DIO2: variants seen among roughly 807,000 people sequenced by gnomAD.
The protein encoded by DIO2 is iodothyronine deiodinase 2.
Under a neutral mutation model 21.4 loss-of-function variants are expected in DIO2, and 19 were observed. That is an observed-to-expected ratio of 0.89 (90% CI 0.62 to 1.30). The LOEUF (loss-of-function observed/expected upper bound fraction) is 1.30, where lower values mean the gene tolerates loss of function less well. Ranked by LOEUF, DIO2 falls within the 50% of genes most tolerant of loss-of-function variation. The probability of loss-of-function intolerance (pLI) is 0.00; values close to 1 mark genes in which losing one functional copy is unlikely to be tolerated. For missense variants in DIO2, 302 were observed against 338.1 expected (o/e 0.89, Z 0.84); for synonymous variants, 122 against 132.9 (o/e 0.92, Z 0.57).
rs116239203 is a variant in DIO2 at position 80,208,650 on chromosome 14, A to G, written c.222+2601T>C. ...CAGGGTTATGAAATAGTGTGATGCCATCTCAAACAGAACCTCTTACAACGT... is the reference window on the plus strand; with the variant it reads ...CAGGGTTATGAAATAGTGTGATGCCGTCTCAAACAGAACCTCTTACAACGT... On this transcript the variant is annotated intron_variant, in intron 1 of 1. Transcript: ENST00000438257. Among the ~76,000 whole-genome samples the G allele has an allele frequency of 4.6e-3, 697 of 152,336 alleles. 10 individuals carry two copies. The highest frequency in any genetic ancestry group is 0.015 in the African/African-American group (618 of 41,570).
intron 2 of DIO2, among the ~76,000 whole-genome samples, chr14:80,218,002 C>T (rs1274280843): frequency 6.6e-6 from 1 of 152,174 alleles, no homozygotes; most frequent in East Asian, 1.9e-4. Flanking sequence ...TTTTATTTTT[C>T]TACCTGCAAA....
chr14:80,199,075 C>T lies in DIO2; in HGVS notation c.*3614G>A, dbSNP rs1315499229. 5 of 152,222 alleles carry T rather than the reference C, an allele frequency of 3.3e-5. No homozygotes were observed. Among genetic ancestry groups the T allele is most frequent in the East Asian group, 3.8e-4 (2 of 5,198 alleles). The allele number at this position is 152,222 out of a possible 1,614,324, so 9.4% of individuals were successfully genotyped here. ...GTAAATCAGTCAATTCTTCTTGCTT[C>T]GCACATAGGCCATAGGGCATGCTGA... On this transcript the variant is annotated 3_prime_UTR_variant, in exon 2 of 2. Coordinates refer to ENST00000438257, the MANE Select transcript of DIO2 (RefSeq NM_013989.5).
At chr14:80,211,022 T>A (rs1888162332) in intron 1 of DIO2, among the ~76,000 whole-genome samples, 1 of 152,190 alleles carries the variant, frequency 6.6e-6, no homozygotes, top group Non-Finnish European at 1.5e-5. Context: ...TAACCCTTAG[T>A]AGAAAGATTC....
rs577743008 is a variant in DIO2 at position 80,230,410 on chromosome 14, G to A, written c.-277-13673C>T. ...TCAGCTCTTTCTCTATAGGAGATGA[G>A]ACTCACTGAGGGCAATCTTAGCAGA... On this transcript the variant is annotated intron_variant, in intron 2 of 4. Transcript: ENST00000553594. 1.8e-4 allele frequency among the ~76,000 whole-genome samples: 27 copies of A among 152,224 alleles called. No homozygotes were observed. The South Asian group carries it at 4.6e-3, about 26-fold the overall frequency.
chr14:80,206,186 AATTAAT>A lies in DIO2; in HGVS notation c.223-2904_223-2899del, dbSNP rs770068262. On this transcript the variant is annotated intron_variant, in intron 1 of 1. Transcript: ENST00000438257. ...TAGGCAAGAGAAAATGCATAGATAAAATTAATATTATTAATAAAACTAAGAAGGAAA... is the reference window on the plus strand; with the variant it reads ...TAGGCAAGAGAAAATGCATAGATAAAATTATTAATAAAACTAAGAAGGAAA... 7 of 1,217,962 alleles carry A rather than the reference AATTAAT, an allele frequency of 5.7e-6. No individual in the cohort carries two copies. In the African/African-American group the frequency reaches 1.1e-4, roughly 19 times the overall value. The allele number at this position is 1,217,962 out of a possible 1,614,324, so 75.4% of individuals were successfully genotyped here. A position where few individuals can be genotyped will look rare whatever the true frequency, so the allele number is the denominator to read the frequency against.
chr14:80,220,065 TTTTG>T (rs1888436127), intron 2 of DIO2, among the ~76,000 whole-genome samples: 1 of 150,024 alleles, frequency 6.7e-6, no homozygotes, highest in Admixed American at 6.6e-5. Context: ...TGTGTGTGTG[TTTTG>T]TTGTTGTTTT....
intron 2 of DIO2, among the ~76,000 whole-genome samples, chr14:80,226,639 G>C (rs1309264268): frequency 1.3e-5 from 2 of 152,194 alleles, no homozygotes; most frequent in Non-Finnish European, 2.9e-5. Context: ...CTCAGCAATG[G>C]CTATAGCCAG....
chr14:80,203,296 T>TAAAAAAAAA lies in DIO2; in HGVS notation c.223-17_223-9dup. The TAAAAAAAAA allele has an allele frequency of 7.2e-7, 1 of 1,393,810 alleles. No homozygotes were observed. The allele number at this position is 1,393,810 out of a possible 1,614,324, so 86.3% of individuals were successfully genotyped here. The stretch of plus-strand genomic sequence containing the variant: ...ATCCTCACCCAATTTCACCTGACGG[T>TAAAAAAAAA]AAAAAAAAAAAAAAAGAAGAAGAAG... On this transcript the variant is annotated splice_polypyrimidine_tract_variant and intron_variant, in intron 1 of 1. Coordinates refer to ENST00000438257, the MANE Select transcript of DIO2 (RefSeq NM_013989.5).
chr14:80,226,752 G>A (rs905997489), intron 2 of DIO2, among the ~76,000 whole-genome samples: 1 of 152,184 alleles, frequency 6.6e-6, no homozygotes, highest in Non-Finnish European at 1.5e-5. Context: ...CAATGACAGG[G>A]GTGGCCGGGG....
chr14:80,220,494 C>T (rs1198966898), intron 2 of DIO2, among the ~76,000 whole-genome samples: 1 of 151,920 alleles, frequency 6.6e-6, no homozygotes, highest in African/African-American at 2.4e-5. Context: ...AATTTAGAGC[C>T]ATTCCTTTCA....
chr14:80,206,225 A>T, intron 1 of DIO2: 1 of 1,499,754 alleles, frequency 6.7e-7, no homozygotes, highest in Non-Finnish European at 9.0e-7. Flanking sequence ...AAAAACACAC[A>T]CCCACCATCC....
intron 2 of DIO2, among the ~76,000 whole-genome samples, chr14:80,226,274 A>C (rs1233112694): frequency 6.6e-6 from 1 of 152,198 alleles, no homozygotes; most frequent in Non-Finnish European, 1.5e-5. Flanking sequence ...CAGCTGCTTC[A>C]GGATGATAGA....
chr14:80,202,834 G>T lies in DIO2; in HGVS notation c.677C>A (p.Ala226Asp). Reference sequence around the variant, plus strand: ...CTGCACAATGCACACACGTTCAAAGGCTACCCCGTAAGCTATGTTGGCGTT... The same window carrying T: ...CTGCACAATGCACACACGTTCAAAGTCTACCCCGTAAGCTATGTTGGCGTT... ...DNNANIAYGV[A>D]FERVCIVQRQ... Residue 226 changes from alanine (A) to aspartate (D), a missense_variant, in exon 2 of 2, where the codon GCC becomes GAC. Physicochemically the swap from Ala to Asp is moderately radical, Grantham distance 126. Transcript: ENST00000438257. 6.2e-7 allele frequency: 1 copy of T among 1,613,890 alleles called. No homozygotes were observed. The highest frequency in any genetic ancestry group is 8.5e-7 in the Non-Finnish European group (1 of 1,179,884).
chr14:80,203,240 T>G lies in DIO2; in HGVS notation c.271A>C (p.Ser91Arg). 3 of 1,605,892 alleles carry G rather than the reference T, an allele frequency of 1.9e-6. No homozygotes were observed. Among genetic ancestry groups the G allele is most frequent in the Non-Finnish European group, 2.5e-6 (3 of 1,176,870 alleles). ...CCACTGTTGTCACCTCCTTCTGTAC[T>G]GGAGACATGCACCACACTGGAATTG... The part of the protein sequence containing the change: ...APNSSVVHVS[S>R]TEGGDNSGNG... Residue 91 changes from serine (S) to arginine (R), a missense_variant, in exon 2 of 2, where the codon AGT (serine) becomes CGT (arginine). Ser to Arg is a moderately radical substitution (Grantham distance 110, BLOSUM62 -1). Coordinates refer to ENST00000438257, the MANE Select transcript of DIO2 (RefSeq NM_013989.5).
chr14:80,226,436 G>A (rs893152401), intron 2 of DIO2, among the ~76,000 whole-genome samples: 6 of 152,306 alleles, frequency 3.9e-5, no homozygotes, highest in African/African-American at 7.2e-5. Flanking sequence ...TAGTCTTGGC[G>A]GAAGCATTGC....
Position 80,200,519 on chromosome 14 carries a change from G to A in DIO2, c.*2170C>T, listed in dbSNP as rs544227945. On this transcript the variant is annotated 3_prime_UTR_variant, in exon 2 of 2. Coordinates refer to ENST00000438257, the MANE Select transcript of DIO2 (RefSeq NM_013989.5). ...AACAGTGTGAATGTGCTGCAACCAG[G>A]TTTTTTATTTTACTGCTTTAGGGTT... 3 of 152,360 alleles carry A rather than the reference G, an allele frequency of 2.0e-5. No homozygotes were observed. The highest frequency in any genetic ancestry group is 1.9e-4 in the East Asian group (1 of 5,186). 9.4% of individuals were successfully genotyped at this position (152,360 alleles called of 1,614,324 possible).
intron 2 of DIO2, among the ~76,000 whole-genome samples, chr14:80,229,334 G>T (rs1191850006): frequency 6.6e-6 from 1 of 152,218 alleles, no homozygotes; most frequent in Middle Eastern, 3.4e-3. Context: ...GCCTTTGATG[G>T]TTGAGTGCTG....
Position 80,200,409 on chromosome 14 carries a change from C to T in DIO2, c.*2280G>A, listed in dbSNP as rs1034813399. On this transcript the variant is annotated 3_prime_UTR_variant, in exon 2 of 2. Coordinates refer to ENST00000438257, the MANE Select transcript of DIO2 (RefSeq NM_013989.5). ...CTTTTCCCCAGTTGACTAGCACTGCCTCAGCCTAATCTCATCCCCCCACCG... is the reference window on the plus strand; with the variant it reads ...CTTTTCCCCAGTTGACTAGCACTGCTTCAGCCTAATCTCATCCCCCCACCG... The T allele has an allele frequency of 2.0e-5, 3 of 152,714 alleles. No individual in the cohort carries two copies. The highest frequency in any genetic ancestry group is 4.4e-5 in the Non-Finnish European group (3 of 68,030). The allele number at this position is 152,714 out of a possible 1,614,324, so 9.5% of individuals were successfully genotyped here. A position where few individuals can be genotyped will look rare whatever the true frequency, so the allele number is the denominator to read the frequency against.
Position 80,210,045 on chromosome 14 carries a change from T to G in DIO2, c.222+1206A>C, listed in dbSNP as rs114478474. On this transcript the variant is annotated intron_variant, in intron 1 of 1. Coordinates refer to ENST00000438257, the MANE Select transcript of DIO2 (RefSeq NM_013989.5). ...GTGCTGCCTGCCTAAAACACACCAC[T>G]TCACTGAACACCTGGCTTCTATATT... Among the ~76,000 whole-genome samples the G allele has an allele frequency of 2.1e-3, 317 of 152,316 alleles. 2 individuals carry two copies. The highest frequency in any genetic ancestry group is 5.7e-3 in the African/African-American group (238 of 41,570).
Sources: allele counts gnomAD v4.1 joint callset (sites outside exome capture counted in the v4.1 genomes callset), GRCh38; gene constraint gnomAD v4.1.1; transcripts MANE v1.5; gene names NCBI Gene and HGNC (gene_info 2026-07-23, HGNC 2026-07-21).